Variants in TC2N observed in about 807,000 individuals in gnomAD.
The protein encoded by TC2N is tandem C2 domains, nuclear, also known as tandem C2 domains nuclear protein.
TC2N carries 51 observed loss-of-function variants against 61.9 expected under a neutral mutation model. That is an observed-to-expected ratio of 0.82 (90% confidence interval 0.66 to 1.04). The LOEUF is 1.04. TC2N is among the 50% of genes least tolerant of loss of function. The probability of loss-of-function intolerance (pLI) is 0.00; values close to 1 mark genes in which losing one functional copy is unlikely to be tolerated. For missense variants in TC2N, 556 were observed against 566.7 expected, an observed-to-expected ratio of 0.98 and a Z score of 0.19; for synonymous variants, 204 against 192.6, an observed-to-expected ratio of 1.06 and a Z score of -0.49.
chr14:91,790,514 T>C (rs1885592739), intron 9 of TC2N, among the ~76,000 whole-genome samples: 1 of 152,210 alleles, frequency 6.6e-6, no homozygotes, highest in Non-Finnish European at 1.5e-5. Context: ...TCTATAACCC[T>C]AGCACCTGGC....
In TC2N at chr14:91,780,908, A is replaced by G. The variant is rs1160194861; in HGVS notation, c.*2192T>C. Reference sequence around the variant, plus strand: ...AAAGGCTTAAGTAAACACTAATTAAAACATTTAGGATCTTAGTTGTATCAA... The same window carrying G: ...AAAGGCTTAAGTAAACACTAATTAAGACATTTAGGATCTTAGTTGTATCAA... On this transcript the variant is annotated 3_prime_UTR_variant, in exon 12 of 12. Transcript: ENST00000435962. 6.6e-6 allele frequency: 1 copy of G among 152,110 alleles called. No homozygotes were observed. The highest frequency in any genetic ancestry group is 6.5e-5 in the Admixed American group (1 of 15,272). 9.4% of individuals were successfully genotyped at this position (152,110 alleles called of 1,614,324 possible).
chr14:91,821,624 C>T (rs1887258805), intron 1 of TC2N, among the ~76,000 whole-genome samples: 1 of 151,942 alleles, frequency 6.6e-6, no homozygotes, highest in Non-Finnish European at 1.5e-5. Flanking sequence ...CAAAAGCACA[C>T]ATGATCAAAG....
At chr14:91,816,318 T>C (rs1184450355) in intron 1 of TC2N, among the ~76,000 whole-genome samples, 1 of 151,820 alleles carries the variant, frequency 6.6e-6, no homozygotes, top group East Asian at 1.9e-4. Flanking sequence ...CTTTTGCCAG[T>C]GTGATAGGAA....
intron 4 of TC2N, among the ~76,000 whole-genome samples, chr14:91,800,839 C>A (rs1886195968): frequency 1.3e-5 from 2 of 151,908 alleles, no homozygotes; most frequent in Non-Finnish European, 2.9e-5. Flanking sequence ...ACTTTGTATG[C>A]CAATTGTATA....
chr14:91,849,222 C>T (rs2139916590), intron 1 of TC2N, among the ~76,000 whole-genome samples: 1 of 152,278 alleles, frequency 6.6e-6, no homozygotes, highest in South Asian at 2.1e-4. Flanking sequence ...CACTATTTCA[C>T]TTCCCCAGTA....
chr14:91,851,621 A>T (rs922782881), intron 1 of TC2N, among the ~76,000 whole-genome samples: 4 of 152,234 alleles, frequency 2.6e-5, no homozygotes, highest in Non-Finnish European at 4.4e-5. Context: ...ACAATGGCTG[A>T]GGCTCTCACA....
chr14:91,817,748 A>T (rs961680977), intron 1 of TC2N, among the ~76,000 whole-genome samples: 1 of 152,134 alleles, frequency 6.6e-6, no homozygotes. Flanking sequence ...CAGGGGGAAA[A>T]GTCCTCAACA....
chr14:91,805,350 C>T (rs1343194845), intron 3 of TC2N, among the ~76,000 whole-genome samples: 1 of 152,026 alleles, frequency 6.6e-6, no homozygotes, highest in Non-Finnish European at 1.5e-5. Context: ...AGTATTATTA[C>T]AAAAAAGTCA....
chr14:91,865,369 GTTTTT>G (rs34451913), intron 1 of TC2N, among the ~76,000 whole-genome samples: 204 of 128,412 alleles, frequency 1.6e-3, no homozygotes, highest in African/African-American at 4.9e-3. Flanking sequence ...GAGCCTCTTG[GTTTTT>G]TTTTTTTTTT....
chr14:91,798,212 T>G, intron 7 of TC2N, 87 bp downstream of exon 7: 1 of 687,696 alleles, frequency 1.5e-6, no homozygotes, highest in Non-Finnish European at 2.4e-6. Context: ...CATTGGCCCA[T>G]TCCCCAGAAA....
rs547227142 is a variant in TC2N at position 91,865,081 on chromosome 14, A to G, written c.-57+2181T>C. On this transcript the variant is annotated intron_variant, in intron 1 of 11. Transcript: ENST00000435962. The stretch of plus-strand genomic sequence containing the variant: ...CCCCTGTGCCCAGCCCCCTGCCTTC[A>G]TCTTTACATTATTGCTCAAGAATAT... 2.0e-5 allele frequency among the ~76,000 whole-genome samples: 3 copies of G among 152,226 alleles called. No individual in the cohort carries two copies. The South Asian group carries it at 6.2e-4, about 32-fold the overall frequency.
intron 1 of TC2N, among the ~76,000 whole-genome samples, chr14:91,834,459 TTTTTCTTTTC>T (rs1441140501): frequency 6.6e-6 from 1 of 152,166 alleles, no homozygotes; most frequent in Non-Finnish European, 1.5e-5. Context: ...TTATTTCTCT[TTTTTCTTTTC>T]TTTTCTTTTT....
chr14:91,810,978 C>T (rs1291996922), intron 3 of TC2N, among the ~76,000 whole-genome samples: 1 of 151,848 alleles, frequency 6.6e-6, no homozygotes, highest in Non-Finnish European at 1.5e-5. Flanking sequence ...AATATTTGGA[C>T]AAATATTGTA....
rs375984211 is a variant in TC2N at position 91,781,144 on chromosome 14, T to C, written c.*1956A>G. 1 of 152,200 alleles carries C rather than the reference T, an allele frequency of 6.6e-6. No homozygotes were observed. The allele number at this position is 152,200 out of a possible 1,614,324, so 9.4% of individuals were successfully genotyped here. On this transcript the variant is annotated 3_prime_UTR_variant, in exon 12 of 12. Coordinates refer to ENST00000435962, the MANE Select transcript of TC2N (RefSeq NM_001128596.3). Reference sequence around the variant, plus strand: ...ATATTAAATTTGGAAATTCAAAGCATTAATAGAACAGAGAAACCAGCTAAA... The same window carrying C: ...ATATTAAATTTGGAAATTCAAAGCACTAATAGAACAGAGAAACCAGCTAAA...
intron 3 of TC2N, among the ~76,000 whole-genome samples, chr14:91,803,224 A>G (rs527303674): frequency 6.6e-6 from 1 of 152,210 alleles, no homozygotes; most frequent in African/African-American, 2.4e-5. Flanking sequence ...CAAAAAAATT[A>G]GTTCCATGGG....
At chr14:91,856,374 C>G (rs1888482763) in intron 1 of TC2N, among the ~76,000 whole-genome samples, 1 of 151,726 alleles carries the variant, frequency 6.6e-6, no homozygotes, top group Non-Finnish European at 1.5e-5. Context: ...GTCCCAGCTA[C>G]TCGGGAGACT....
chr14:91,821,173 A>C (rs561364645), intron 1 of TC2N, among the ~76,000 whole-genome samples: 3 of 152,144 alleles, frequency 2.0e-5, no homozygotes, highest in African/African-American at 7.2e-5. Context: ...TAGCCAAAAC[A>C]ATCTTGGGGA....
intron 9 of TC2N, among the ~76,000 whole-genome samples, chr14:91,789,900 G>C (rs1885563010): frequency 6.6e-6 from 1 of 152,178 alleles, no homozygotes; most frequent in South Asian, 2.1e-4. Context: ...TGGAAGGGTT[G>C]AAATGAAATG....
chr14:91,784,951 T>C (rs1435226863), intron 11 of TC2N, among the ~76,000 whole-genome samples: 1 of 152,160 alleles, frequency 6.6e-6, no homozygotes, highest in African/African-American at 2.4e-5. Context: ...AAAAAACATA[T>C]TTAAAGATAA....
Sources: allele counts gnomAD v4.1 joint callset (sites outside exome capture counted in the v4.1 genomes callset), GRCh38; gene constraint gnomAD v4.1.1; transcripts MANE v1.5; gene names NCBI Gene and HGNC (gene_info 2026-07-23, HGNC 2026-07-21).